The following GPC5 variants were observed in gnomAD, a reference collection of about 807,000 sequenced individuals.
GPC5 encodes the protein glypican 5.
A neutral mutation model predicts 53.9 loss-of-function variants in GPC5; 47 were observed. The ratio of observed to expected loss-of-function variants is 0.87; its 90% CI spans 0.69 to 1.11. GPC5 has a LOEUF of 1.11. GPC5 is among the 50% of genes most tolerant of loss of function. The probability of loss-of-function intolerance (pLI) is 0.00; values close to 1 mark genes in which losing one functional copy is unlikely to be tolerated. For synonymous variants in GPC5, 286 were observed against 263.3 expected (o/e 1.09, Z -0.84); for missense variants, 748 against 713.1 (o/e 1.05, Z -0.56).
At chr13:91,626,465 A>G (rs1403880168) in intron 2 of GPC5, among the ~76,000 whole-genome samples, 7 of 152,056 alleles carry the variant, frequency 4.6e-5, no homozygotes, top group Non-Finnish European at 8.8e-5. Flanking sequence ...TCAAATGGCT[A>G]CCCTGTATAA....
At chr13:91,502,475 G>A (rs1884693209) in intron 2 of GPC5, among the ~76,000 whole-genome samples, 1 of 152,118 alleles carries the variant, frequency 6.6e-6, no homozygotes, top group Non-Finnish European at 1.5e-5. Context: ...CTGGAGGGAG[G>A]GGAGTAGTGT....
chr13:91,575,479 G>C (rs1237786970), intron 2 of GPC5, among the ~76,000 whole-genome samples: 2 of 152,114 alleles, frequency 1.3e-5, no homozygotes, highest in Admixed American at 6.6e-5. Context: ...GGAAAATAGA[G>C]ATGTTGAGAA....
At chr13:92,545,617 T>G (rs1882081987) in intron 7 of GPC5, among the ~76,000 whole-genome samples, 1 of 152,208 alleles carries the variant, frequency 6.6e-6, no homozygotes, top group Non-Finnish European at 1.5e-5. Context: ...CCATTCTAAC[T>G]GGTGTGAGAC....
chr13:92,645,738 T>C (rs1354110120), intron 7 of GPC5, among the ~76,000 whole-genome samples: 4 of 152,286 alleles, frequency 2.6e-5, no homozygotes, highest in Middle Eastern at 3.5e-3. Flanking sequence ...CAATAAATGA[T>C]ATTTCCTTGT....
intron 7 of GPC5, among the ~76,000 whole-genome samples, chr13:92,483,394 T>G (rs1032908086): frequency 1.3e-5 from 2 of 152,180 alleles, no homozygotes; most frequent in Non-Finnish European, 2.9e-5. Flanking sequence ...AACACAATGG[T>G]AAGTATTTGT....
At chr13:92,386,660 T>C (rs9301803) in intron 7 of GPC5, among the ~76,000 whole-genome samples, 92,211 of 151,834 alleles carry the variant, frequency 0.61, 28,362 homozygotes, top group East Asian at 0.7. Flanking sequence ...GATGTTATAC[T>C]TGCTGCATAT....
chr13:91,965,600 G>A (rs1008981253), intron 6 of GPC5, among the ~76,000 whole-genome samples: 4 of 152,122 alleles, frequency 2.6e-5, no homozygotes, highest in African/African-American at 9.7e-5. Flanking sequence ...TTTAGCCAAA[G>A]TAAATGAATG....
rs542665594 is a variant in GPC5, at chr13:92,294,189, G to T, written c.1561+149200G>T. Among the ~76,000 whole-genome samples the T allele has an allele frequency of 1.9e-4, 29 of 152,268 alleles. No homozygotes were observed. In the South Asian group the frequency reaches 4.1e-3, roughly 22 times the overall value. On this transcript the variant is annotated intron_variant, in intron 7 of 7. Transcript: ENST00000377067. ...ATGTCCTTTCCTGGTTTTGGTATTA[G>T]TGTGATACTGGCTTCATAGAATGAT...
At chr13:91,566,125 T>G (rs2031514033) in intron 2 of GPC5, among the ~76,000 whole-genome samples, 1 of 152,240 alleles carries the variant, frequency 6.6e-6, no homozygotes, top group South Asian at 2.1e-4. Context: ...CGGTCACATG[T>G]GTAGGCTTCA....
intron 7 of GPC5, among the ~76,000 whole-genome samples, chr13:92,795,797 C>A (rs1876654961): frequency 6.6e-6 from 1 of 152,104 alleles, no homozygotes; most frequent in African/African-American, 2.4e-5. Flanking sequence ...AAATGCAAAT[C>A]AAAACCACAG....
At chr13:92,075,223 A>G (rs1353925927) in intron 6 of GPC5, among the ~76,000 whole-genome samples, 5 of 152,216 alleles carry the variant, frequency 3.3e-5, no homozygotes, top group Non-Finnish European at 5.9e-5. Flanking sequence ...ATGTGACGAA[A>G]AAATGTTCTT....
chr13:92,199,104 AG>A (rs1370857372), intron 7 of GPC5, among the ~76,000 whole-genome samples: 5 of 152,370 alleles, frequency 3.3e-5, no homozygotes, highest in African/African-American at 1.2e-4. Flanking sequence ...AGCGCTCAGT[AG>A]TACTAAAGCT....
intron 2 of GPC5, among the ~76,000 whole-genome samples, chr13:91,585,728 A>G (rs1211299305): frequency 1.3e-5 from 2 of 152,116 alleles, no homozygotes; most frequent in Non-Finnish European, 1.5e-5. Context: ...TCCACTGCTT[A>G]TGTGTGTTAT....
At chr13:92,683,349 C>A (rs1348835533) in intron 7 of GPC5, among the ~76,000 whole-genome samples, 1 of 152,168 alleles carries the variant, frequency 6.6e-6, no homozygotes, top group Non-Finnish European at 1.5e-5. Flanking sequence ...ACGCTACTTC[C>A]AAGCCCAAGA....
At chr13:92,621,188 G>A (rs892912931) in intron 7 of GPC5, among the ~76,000 whole-genome samples, 1 of 152,120 alleles carries the variant, frequency 6.6e-6, no homozygotes, top group African/African-American at 2.4e-5. Context: ...GTTGTCATCA[G>A]ACAATGTTAT....
chr13:92,600,970 A>G (rs528230828), intron 7 of GPC5, among the ~76,000 whole-genome samples: 2 of 152,246 alleles, frequency 1.3e-5, no homozygotes, highest in South Asian at 4.1e-4. Flanking sequence ...TTTGGAATAT[A>G]ATTTATACTT....
chr13:91,560,768 A>C (rs2031215211), intron 2 of GPC5, among the ~76,000 whole-genome samples: 1 of 150,598 alleles, frequency 6.6e-6, no homozygotes, highest in African/African-American at 2.5e-5. Context: ...TTTTTAGGAA[A>C]AAAAATTAAT....
intron 2 of GPC5, among the ~76,000 whole-genome samples, chr13:91,631,253 T>G (rs1314470693): frequency 2.0e-5 from 3 of 152,162 alleles, no homozygotes; most frequent in African/African-American, 7.2e-5. Flanking sequence ...GTTTTTTAAC[T>G]GATGGGGCCT....
chr13:91,696,491 C>T (rs566590734), intron 3 of GPC5, among the ~76,000 whole-genome samples: 1 of 152,262 alleles, frequency 6.6e-6, no homozygotes, highest in South Asian at 2.1e-4. Flanking sequence ...TTTATAAGCT[C>T]TTTATCAAAC....
Sources: allele counts gnomAD v4.1 joint callset (sites outside exome capture counted in the v4.1 genomes callset), GRCh38; gene constraint gnomAD v4.1.1; transcripts MANE v1.5; gene names NCBI Gene and HGNC (gene_info 2026-07-23, HGNC 2026-07-21).